Variants in STK32B observed in about 807,000 individuals in gnomAD.
STK32B encodes serine/threonine-protein kinase 32B.
A neutral mutation model predicts 52.6 loss-of-function variants in STK32B; 43 were observed. The observed-to-expected ratio is 0.82, with a 90% confidence interval of 0.64 to 1.05. The LOEUF (loss-of-function observed/expected upper bound fraction) is 1.05, where lower values mean the gene tolerates loss of function less well. STK32B is among the 50% of genes least tolerant of loss of function. The pLI is 0.00. For synonymous variants in STK32B, 238 were observed against 204.3 expected (o/e 1.17, Z -1.41); for missense variants, 621 against 534.6 (o/e 1.16, Z -1.59).
intron 4 of STK32B, among the ~76,000 whole-genome samples, chr4:5,334,789 G>C (rs1428345174): frequency 1.3e-5 from 2 of 151,888 alleles, no homozygotes; most frequent in Non-Finnish European, 2.9e-5. Flanking sequence ...TTATTGATTT[G>C]CGTATATTGA....
intron 3 of STK32B, among the ~76,000 whole-genome samples, chr4:5,170,127 T>G (rs1274191690): frequency 6.6e-6 from 1 of 152,146 alleles, no homozygotes. Flanking sequence ...TTGGGCTGTT[T>G]CTAATTATTT....
At chr4:5,233,299 A>G (rs994324768) in intron 3 of STK32B, among the ~76,000 whole-genome samples, 1 of 152,126 alleles carries the variant, frequency 6.6e-6, no homozygotes, top group African/African-American at 2.4e-5. Flanking sequence ...AGAGGATGTC[A>G]TTTACCAATA....
chr4:5,143,068 A>G (rs1716603078), intron 2 of STK32B, among the ~76,000 whole-genome samples: 1 of 151,812 alleles, frequency 6.6e-6, no homozygotes. Flanking sequence ...TGTGTGAACC[A>G]GTTCTTTAAA....
intron 11 of STK32B, among the ~76,000 whole-genome samples, chr4:5,493,784 G>C (rs1577062913): frequency 6.6e-6 from 1 of 152,140 alleles, no homozygotes; most frequent in South Asian, 2.1e-4. Flanking sequence ...TTGTGTCTTT[G>C]TTCTCATTGG....
At chr4:5,329,963 C>T (rs977986463) in intron 3 of STK32B, among the ~76,000 whole-genome samples, 3 of 152,158 alleles carry the variant, frequency 2.0e-5, no homozygotes, top group Admixed American at 6.5e-5. Context: ...ATGCACCAGG[C>T]TCCCTCCCCA....
chr4:5,140,167 T>A (rs1401294038), intron 2 of STK32B: 32 of 1,461,202 alleles, frequency 2.2e-5, no homozygotes, highest in African/African-American at 2.8e-5. Flanking sequence ...CAGCCCTGGT[T>A]TAGGTGAATT....
chr4:5,219,860 G>A, intron 3 of STK32B, among the ~76,000 whole-genome samples: 1 of 152,186 alleles, frequency 6.6e-6, no homozygotes, highest in East Asian at 1.9e-4. Context: ...CCGCTTTTTG[G>A]AGATTGTTGC....
intron 4 of STK32B, among the ~76,000 whole-genome samples, chr4:5,365,930 T>G (rs1734848268): frequency 6.6e-6 from 1 of 152,190 alleles, no homozygotes; most frequent in Non-Finnish European, 1.5e-5. Flanking sequence ...AGATTGTGAC[T>G]CAGCACTCCA....
At chr4:5,284,041 T>C (rs1229129149) in intron 3 of STK32B, among the ~76,000 whole-genome samples, 5 of 152,170 alleles carry the variant, frequency 3.3e-5, no homozygotes, top group African/African-American at 1.2e-4. Flanking sequence ...AAAAATTGTC[T>C]AGGCGTACAA....
intron 2 of STK32B, among the ~76,000 whole-genome samples, chr4:5,154,160 A>G (rs923952297): frequency 6.6e-6 from 1 of 151,668 alleles, no homozygotes; most frequent in African/African-American, 2.4e-5. Context: ...ATGGAATTTG[A>G]GAGTCCTACT....
At chr4:5,389,324 A>G (rs972711884) in intron 4 of STK32B, among the ~76,000 whole-genome samples, 1 of 152,208 alleles carries the variant, frequency 6.6e-6, no homozygotes, top group African/African-American at 2.4e-5. Context: ...ACAAAATACC[A>G]CAGGCTGGGC....
chr4:5,397,378 G>A (rs1017975597), intron 4 of STK32B, among the ~76,000 whole-genome samples: 4 of 152,048 alleles, frequency 2.6e-5, no homozygotes, highest in East Asian at 1.9e-4. Flanking sequence ...CCACTGTGTC[G>A]GGCGCTGTGC....
intron 3 of STK32B, among the ~76,000 whole-genome samples, chr4:5,295,376 T>G (rs10013898): frequency 0.14 from 20,693 of 151,614 alleles, 2,797 homozygotes; most frequent in African/African-American, 0.35. Context: ...ACCTCTGGTA[T>G]AATTTGGCTG....
chr4:5,100,577 G>T, intron 1 of STK32B, among the ~76,000 whole-genome samples: 6 of 98,032 alleles, frequency 6.1e-5, no homozygotes, highest in African/African-American at 8.3e-5. Context: ...CTCCTCCCTT[G>T]CCTGCCTCCC....
chr4:5,286,795 T>C (rs1484706866), intron 3 of STK32B, among the ~76,000 whole-genome samples: 1 of 84,164 alleles, frequency 1.2e-5, no homozygotes, highest in Admixed American at 1.2e-4. Context: ...ACAGATGTAC[T>C]TTTTTTTTTT....
At chr4:5,271,498 G>A (rs1167818207) in intron 3 of STK32B, among the ~76,000 whole-genome samples, 1 of 151,178 alleles carries the variant, frequency 6.6e-6, no homozygotes, top group Admixed American at 6.6e-5. Context: ...CTCTTTTTTG[G>A]TTCCATATGA....
chr4:5,122,051 CTCAT>C (rs1243984319), intron 1 of STK32B, among the ~76,000 whole-genome samples: 2 of 152,206 alleles, frequency 1.3e-5, no homozygotes, highest in South Asian at 2.1e-4. Flanking sequence ...CATTCACTCG[CTCAT>C]TCATTCACTA....
chr4:5,317,247 T>TATATAAC lies in STK32B; in HGVS notation c.261-13960_261-13954dup, dbSNP rs1175422612. On this transcript the variant is annotated intron_variant, in intron 3 of 11. Transcript: ENST00000282908. Reference sequence around the variant, plus strand: ...TATTATATATAACATATATATATTATATATAACATATAACATATATATAAT... The same window carrying TATATAAC: ...TATTATATATAACATATATATATTATATATAACATATAACATATAACATATATATAAT... 7.7e-5 allele frequency among the ~76,000 whole-genome samples: 3 copies of TATATAAC among 39,048 alleles called. 1 individual carries two copies. Among genetic ancestry groups the TATATAAC allele is most frequent in the African/African-American group, 4.7e-4 (2 of 4,218 alleles). The allele number at this position is 39,048 out of a possible 152,430, so 25.6% of individuals were successfully genotyped here.
intron 3 of STK32B, among the ~76,000 whole-genome samples, chr4:5,186,433 C>G (rs2108758707): frequency 6.6e-6 from 1 of 152,264 alleles, no homozygotes; most frequent in East Asian, 1.9e-4. Context: ...GTGCTAGACC[C>G]TGGTGGCAGA....
Sources: allele counts gnomAD v4.1 joint callset (sites outside exome capture counted in the v4.1 genomes callset), GRCh38; gene constraint gnomAD v4.1.1; transcripts MANE v1.5; gene names NCBI Gene and HGNC (gene_info 2026-07-23, HGNC 2026-07-21).